PPP2R5E: variants seen among roughly 807,000 people sequenced by gnomAD.
PPP2R5E encodes the protein serine/threonine-protein phosphatase 2A 56 kDa regulatory subunit epsilon isoform.
PPP2R5E carries 4 observed loss-of-function variants against 65.3 expected under a neutral mutation model. The ratio of observed to expected loss-of-function variants is 0.06; its 90% CI spans 0.03 to 0.14. The LOEUF (loss-of-function observed/expected upper bound fraction) is 0.14, where lower values mean the gene tolerates loss of function less well. Ranked by LOEUF, PPP2R5E falls within the 10% of genes least tolerant of loss-of-function variation. The pLI is 1.00. For missense variants in PPP2R5E, 274 were observed against 556.1 expected (o/e 0.49, Z 5.10); for synonymous variants, 183 against 187.4 (o/e 0.98, Z 0.19).
intron 2 of PPP2R5E, among the ~76,000 whole-genome samples, chr14:63,528,286 G>A (rs1032680133): frequency 1.3e-5 from 2 of 152,112 alleles, no homozygotes; most frequent in African/African-American, 2.4e-5. Flanking sequence ...ATAAAACTCT[G>A]CTCTGAAAGT....
chr14:63,503,694 T>C (rs1437207703), intron 2 of PPP2R5E, among the ~76,000 whole-genome samples: 2 of 152,224 alleles, frequency 1.3e-5, no homozygotes, highest in Non-Finnish European at 2.9e-5. Flanking sequence ...ATTTACTATA[T>C]AGTTTAATGA....
intron 2 of PPP2R5E, among the ~76,000 whole-genome samples, chr14:63,494,970 G>GA (rs1027772682): frequency 2.0e-5 from 3 of 152,066 alleles, no homozygotes; most frequent in African/African-American, 7.2e-5. Flanking sequence ...TTGGAAGGCT[G>GA]AGGCAGGCGG....
chr14:63,519,906 C>T (rs997160456), intron 2 of PPP2R5E, among the ~76,000 whole-genome samples: 2 of 151,894 alleles, frequency 1.3e-5, no homozygotes, highest in African/African-American at 2.4e-5. Flanking sequence ...GTGATCCGCC[C>T]GCCTCGGCCT....
chr14:63,430,353 A>ACATACATACATACATG (rs1566696281), intron 3 of PPP2R5E, among the ~76,000 whole-genome samples: 16 of 132,304 alleles, frequency 1.2e-4, no homozygotes, highest in African/African-American at 4.1e-4. Flanking sequence ...ATGTATACAT[A>ACATACATACATACATG]CATACATACA....
intron 2 of PPP2R5E, among the ~76,000 whole-genome samples, chr14:63,511,940 G>A (rs530666285): frequency 3.3e-4 from 50 of 152,026 alleles, no homozygotes; most frequent in South Asian, 8.3e-4. Flanking sequence ...TTAGCCGGGC[G>A]TGGTGGTGCA....
intron 4 of PPP2R5E, among the ~76,000 whole-genome samples, chr14:63,418,568 G>A (rs1886826134): frequency 6.6e-6 from 1 of 152,178 alleles, no homozygotes; most frequent in African/African-American, 2.4e-5. Flanking sequence ...AGGAACTTTA[G>A]TAAGAAGACT....
intron 4 of PPP2R5E, among the ~76,000 whole-genome samples, chr14:63,417,865 T>A (rs1437873872): frequency 6.6e-6 from 1 of 152,134 alleles, no homozygotes; most frequent in Non-Finnish European, 1.5e-5. Flanking sequence ...GGACAAATCA[T>A]ATATACAGCA....
At chr14:63,528,423 T>C (rs1409114103) in intron 2 of PPP2R5E, among the ~76,000 whole-genome samples, 4 of 152,206 alleles carry the variant, frequency 2.6e-5, no homozygotes, top group African/African-American at 9.6e-5. Context: ...TCTTAACTTT[T>C]GTGAAATGAA....
At chr14:63,536,560 G>GT (rs1183859882) in intron 2 of PPP2R5E, among the ~76,000 whole-genome samples, 1 of 152,148 alleles carries the variant, frequency 6.6e-6, no homozygotes, top group Non-Finnish European at 1.5e-5. Context: ...ACTTAAACAG[G>GT]TATCTGTACA....
At chr14:63,467,978 G>A (rs928362459) in intron 2 of PPP2R5E, among the ~76,000 whole-genome samples, 3 of 152,194 alleles carry the variant, frequency 2.0e-5, no homozygotes, top group South Asian at 2.1e-4. Flanking sequence ...ATAAATGAGG[G>A]TATAATAACA....
intron 7 of PPP2R5E, among the ~76,000 whole-genome samples, 195 bp downstream of exon 7, chr14:63,395,031 T>C (rs541536068): frequency 8.0e-4 from 122 of 152,306 alleles, no homozygotes; most frequent in Non-Finnish European, 1.2e-3. Flanking sequence ...GAAATGGCAA[T>C]GCATACTTGT....
chr14:63,535,092 C>T (rs1424388402), intron 2 of PPP2R5E, among the ~76,000 whole-genome samples: 2 of 152,088 alleles, frequency 1.3e-5, no homozygotes, highest in East Asian at 3.9e-4. Flanking sequence ...CAGGAAATAA[C>T]ATCAGTGATA....
intron 7 of PPP2R5E, among the ~76,000 whole-genome samples, chr14:63,394,761 A>ATCCTCC (rs1166383324): frequency 6.6e-6 from 1 of 152,230 alleles, no homozygotes; most frequent in Non-Finnish European, 1.5e-5. Flanking sequence ...GTGTGTAGAA[A>ATCCTCC]CTTACACCAC....
At chr14:63,509,884 TATA>T (rs1156425299) in intron 2 of PPP2R5E, among the ~76,000 whole-genome samples, 1 of 152,044 alleles carries the variant, frequency 6.6e-6, no homozygotes, top group Non-Finnish European at 1.5e-5. Flanking sequence ...TAGATCTGAG[TATA>T]ATAAGGTTTG....
chr14:63,489,551 C>T (rs28500593), intron 2 of PPP2R5E, among the ~76,000 whole-genome samples: 25,169 of 151,612 alleles, frequency 0.17, 4,371 homozygotes, highest in African/African-American at 0.44. Flanking sequence ...CTGGGACTAC[C>T]GGTGCAGACC....
At chr14:63,484,347 T>TCTCTCTCA (rs758248092) in intron 2 of PPP2R5E, among the ~76,000 whole-genome samples, 174 of 139,676 alleles carry the variant, frequency 1.2e-3, no homozygotes, top group African/African-American at 4.5e-3. Flanking sequence ...TCTCTCTCTC[T>TCTCTCTCA]CACACACACA....
intron 11 of PPP2R5E, among the ~76,000 whole-genome samples, chr14:63,389,056 A>G (rs1424843623): frequency 2.6e-5 from 4 of 152,102 alleles, no homozygotes; most frequent in Non-Finnish European, 5.9e-5. Flanking sequence ...TTTAGCAAGC[A>G]GCTACACCAA....
chr14:63,408,556 A>G (rs1445382981), intron 5 of PPP2R5E, among the ~76,000 whole-genome samples: 1 of 152,168 alleles, frequency 6.6e-6, no homozygotes, highest in East Asian at 1.9e-4. Context: ...ATATTATTTA[A>G]TAAGTACCAT....
At chr14:63,383,058 A>T (rs1476570654) in intron 12 of PPP2R5E, among the ~76,000 whole-genome samples, 1 of 152,000 alleles carries the variant, frequency 6.6e-6, no homozygotes, top group Non-Finnish European at 1.5e-5. Context: ...TATGCTGATA[A>T]CTGGCAAGCT....
Sources: allele counts gnomAD v4.1 joint callset (sites outside exome capture counted in the v4.1 genomes callset), GRCh38; gene constraint gnomAD v4.1.1; transcripts MANE v1.5; gene names NCBI Gene and HGNC (gene_info 2026-07-23, HGNC 2026-07-21).